Variants in SSBP1 observed in about 807,000 individuals in gnomAD.
The protein encoded by SSBP1 is single stranded DNA binding protein 1.
A neutral mutation model predicts 27.0 loss-of-function variants in SSBP1; 20 were observed. The observed-to-expected ratio is 0.74, with a 90% CI of 0.52 to 1.08. The LOEUF (loss-of-function observed/expected upper bound fraction) is 1.08. SSBP1 is among the 50% of genes least tolerant of loss of function. SSBP1 has a pLI of 0.00. For missense variants in SSBP1, 137 were observed against 182.4 expected (o/e 0.75, Z 1.44); for synonymous variants, 59 against 59.3 (o/e 1.00, Z 0.02).
chr7:141,742,684 C>T (rs1415249570), intron 3 of SSBP1, among the ~76,000 whole-genome samples: 4 of 152,196 alleles, frequency 2.6e-5, no homozygotes, highest in Non-Finnish European at 5.9e-5. Flanking sequence ...GGGCTGCTTT[C>T]TCTATGACTA....
intron 6 of SSBP1, 81 bp downstream of exon 6, chr7:141,745,665 G>C (rs554113856): frequency 6.4e-7 from 1 of 1,573,604 alleles, no homozygotes; most frequent in South Asian, 1.2e-5. Context: ...TAACTAACTA[G>C]GGTTAAGAGT....
rs1167014490 is a variant in SSBP1, at chr7:141,750,245, GA to G, written c.404-65del. 10 of 1,170,026 alleles carry G rather than the reference GA, an allele frequency of 8.5e-6. No individual in the cohort carries two copies. In the African/African-American group the frequency reaches 1.6e-4, roughly 18 times the overall value. 72.5% of individuals were successfully genotyped at this position (1,170,026 alleles called of 1,614,324 possible). A position where few individuals can be genotyped will look rare whatever the true frequency, so the allele number is the denominator to read the frequency against. The stretch of plus-strand genomic sequence containing the variant: ...AGCACTAAAGTTATATGTATTAGAG[GA>G]GAATTATTGAATGAGATGGAGAAAG... On this transcript the variant is annotated intron_variant, in intron 6 of 6. Coordinates refer to ENST00000265304, the MANE Select transcript of SSBP1 (RefSeq NM_003143.3).
chr7:141,746,887 C>T (rs1799811831), intron 6 of SSBP1, among the ~76,000 whole-genome samples: 1 of 151,944 alleles, frequency 6.6e-6, no homozygotes, highest in African/African-American at 2.4e-5. Context: ...AATGTGATAC[C>T]TACTATCCTG....
intron 5 of SSBP1, among the ~76,000 whole-genome samples, chr7:141,745,222 A>C (rs1799731484): frequency 6.6e-6 from 1 of 152,202 alleles, no homozygotes; most frequent in Non-Finnish European, 1.5e-5. Flanking sequence ...TTGCCACTAA[A>C]TTTCCCTTTG....
At chr7:141,741,398 A>G (rs1799524357) in intron 2 of SSBP1, 1 of 152,190 alleles carries the variant, frequency 6.6e-6, no homozygotes, top group Non-Finnish European at 1.5e-5. Context: ...ACAGAACTCT[A>G]CTAGTCCTCA....
chr7:141,743,794 C>T (rs1055275773), intron 4 of SSBP1, 93 bp downstream of exon 4: 6 of 1,537,780 alleles, frequency 3.9e-6, no homozygotes, highest in Middle Eastern at 1.7e-4. Flanking sequence ...CCACTTTAAA[C>T]AAGATCTGTC....
At chr7:141,749,020 A>C (rs1449479154) in intron 6 of SSBP1, among the ~76,000 whole-genome samples, 1 of 152,246 alleles carries the variant, frequency 6.6e-6, no homozygotes, top group African/African-American at 2.4e-5. Context: ...TTATAAAGGA[A>C]ATGCAGTCAT....
At position 141,743,721 on chromosome 7, in the gene SSBP1, G is replaced by T. The variant is rs1563027500; in HGVS notation, c.226+20G>T. On this transcript the variant is annotated intron_variant, in intron 4 of 6. Transcript: ENST00000265304. Reference sequence around the variant, plus strand: ...AACTGGGTGAGTACAAAAGACTGGGGTTTTAATTTTATCAGCAATAAATAG... The same window carrying T: ...AACTGGGTGAGTACAAAAGACTGGGTTTTTAATTTTATCAGCAATAAATAG... 1.2e-6 allele frequency: 2 copies of T among 1,609,168 alleles called. No homozygotes were observed. The highest frequency in any genetic ancestry group is 2.2e-5 in the East Asian group (1 of 44,844).
Position 141,743,045 on chromosome 7 carries a change from G to A in SSBP1, c.86-516G>A, listed in dbSNP as rs201117131. Among the ~76,000 whole-genome samples, 50 of 152,254 alleles carry A rather than the reference G, an allele frequency of 3.3e-4. No homozygotes were observed. In the East Asian group the frequency reaches 3.9e-3, roughly 12 times the overall value. ...AATTTTTTGTATTTTAGTAGAGATG[G>A]GGTTTCACCGTGTTAGCCAGCATGG... is the stretch of plus-strand genomic sequence containing the variant. On this transcript the variant is annotated intron_variant, in intron 3 of 6. Coordinates refer to ENST00000265304, the MANE Select transcript of SSBP1 (RefSeq NM_003143.3).
At chr7:141,742,290 G>T in intron 3 of SSBP1, 61 bp downstream of exon 3, 1 of 1,310,450 alleles carries the variant, frequency 7.6e-7, no homozygotes. Context: ...TCTCAAATGT[G>T]TTGTAGAAGA....
At chr7:141,742,730 C>A (rs887784740) in intron 3 of SSBP1, among the ~76,000 whole-genome samples, 1 of 152,196 alleles carries the variant, frequency 6.6e-6, no homozygotes, top group Admixed American at 6.5e-5. Flanking sequence ...TCTCTCGCAA[C>A]CTCTCCTTAT....
intron 3 of SSBP1, among the ~76,000 whole-genome samples, chr7:141,743,074 CTCT>C (rs386718561): frequency 4.7e-4 from 71 of 152,318 alleles, no homozygotes; most frequent in African/African-American, 1.7e-3. Context: ...AGCATGGTCT[CTCT>C]CTCCTGACCT....
At chr7:141,741,260 T>A (rs1260053698) in intron 2 of SSBP1, 1 of 152,294 alleles carries the variant, frequency 6.6e-6, no homozygotes, top group African/African-American at 2.4e-5. Flanking sequence ...GAGCGGTTTA[T>A]AATGGGGTTC....
At chr7:141,743,144 C>G (rs141873341) in intron 3 of SSBP1, among the ~76,000 whole-genome samples, 4 of 152,218 alleles carry the variant, frequency 2.6e-5, no homozygotes, top group South Asian at 2.1e-4. Flanking sequence ...TGAGCCACCG[C>G]GCCCAGCCAG....
intron 4 of SSBP1, 96 bp from the exon 5 acceptor site, chr7:141,743,806 T>G: frequency 6.5e-7 from 1 of 1,541,544 alleles, no homozygotes; most frequent in Non-Finnish European, 8.8e-7. Context: ...AGATCTGTCT[T>G]TCATTCTGTT....
Position 141,750,447 on chromosome 7 carries a change from C to G in SSBP1, c.*93C>G, listed in dbSNP as rs1343926672. 11 of 1,050,616 alleles carry G rather than the reference C, an allele frequency of 1.0e-5. No homozygotes were observed. Among genetic ancestry groups the G allele is most frequent in the East Asian group, 7.7e-5 (3 of 39,214 alleles). The allele number at this position is 1,050,616 out of a possible 1,614,324, so 65.1% of individuals were successfully genotyped here. On this transcript the variant is annotated 3_prime_UTR_variant, in exon 7 of 7. Coordinates refer to ENST00000265304, the MANE Select transcript of SSBP1 (RefSeq NM_003143.3). ...GCTTCCAAGGACAAGAATTAAAATA[C>G]TCTTTTACGTAAAATGAGTAATAAT...
intron 3 of SSBP1, among the ~76,000 whole-genome samples, chr7:141,743,116 G>A (rs1186331638): frequency 1.3e-5 from 2 of 152,216 alleles, no homozygotes; most frequent in African/African-American, 2.4e-5. Context: ...GCCTCCCAAA[G>A]TGCTGGGATT....
rs146405153 is a variant in SSBP1, at chr7:141,744,117, G to A, written c.314+128G>A. 7.8e-4 allele frequency: 597 copies of A among 768,060 alleles called. 2 individuals carry two copies. The African/African-American group carries it at 9.3e-3, about 12-fold the overall frequency. 47.6% of individuals were successfully genotyped at this position (768,060 alleles called of 1,614,324 possible). On this transcript the variant is annotated intron_variant, in intron 5 of 6. Transcript: ENST00000265304. ...TACTAATGACTGTATTAATTTAAGA[G>A]GTATTTACTAAGTCCTTGATACTAT...
At chr7:141,741,152 G>A (rs1450528960) in intron 2 of SSBP1, 1 of 152,230 alleles carries the variant, frequency 6.6e-6, no homozygotes, top group Non-Finnish European at 1.5e-5. Flanking sequence ...GAGGAGGGGG[G>A]TGCCGTGGGG....
Sources: gnomAD v4.1 joint callset for allele counts (sites outside exome capture counted in the v4.1 genomes callset) on GRCh38, gnomAD v4.1.1 for gene constraint, MANE v1.5 for transcripts, NCBI Gene and HGNC (gene_info 2026-07-23, HGNC 2026-07-21) for gene names.